Variants in BIRC6 observed in about 807,000 individuals in gnomAD.
BIRC6 encodes the protein baculoviral IAP repeat containing 6.
BIRC6 carries 98 observed loss-of-function variants against 503.3 expected under a neutral mutation model. That is an observed-to-expected ratio of 0.19 (90% CI 0.17 to 0.23). The LOEUF (loss-of-function observed/expected upper bound fraction) is 0.23. Ranked by LOEUF, BIRC6 falls within the 10% of genes least tolerant of loss-of-function variation. The pLI is 1.00. For missense variants in BIRC6, 5,360 were observed against 5,806.0 expected (o/e 0.92, Z 2.50); for synonymous variants, 2,240 against 2,078.7 (o/e 1.08, Z -2.11).
At chr2:32,528,949 CAAAAAAAAGA>C (rs1367914004) in intron 59 of BIRC6, 2 of 148,632 alleles carry the variant, frequency 1.3e-5, no homozygotes, top group African/African-American at 2.5e-5. Context: ...TTAGAAAATG[CAAAAAAAAGA>C]AAAAAAAAGA....
intron 6 of BIRC6, among the ~76,000 whole-genome samples, chr2:32,398,742 T>C (rs946905410): frequency 3.3e-5 from 5 of 152,158 alleles, no homozygotes; most frequent in African/African-American, 7.2e-5. Flanking sequence ...GTGTAACTTA[T>C]ATAAATAAAA....
chr2:32,474,667 A>C (rs569307519), intron 33 of BIRC6, among the ~76,000 whole-genome samples: 1 of 152,322 alleles, frequency 6.6e-6, no homozygotes, highest in Admixed American at 6.5e-5. Flanking sequence ...GGCTTAGTGA[A>C]AACTAGTTGT....
Position 32,431,357 on chromosome 2 carries a change from G to A in BIRC6, c.3248+267G>A, listed in dbSNP as rs143096699. ...ACTACAGGTGCGCATCACCACGTCC[G>A]GCTAATTTTTGTATTTTAGGTAGAG... On this transcript the variant is annotated intron_variant, in intron 12 of 73. Coordinates refer to ENST00000421745, the MANE Select transcript of BIRC6 (RefSeq NM_016252.4). Among the ~76,000 whole-genome samples the A allele has an allele frequency of 7.3e-3, 1,102 of 151,602 alleles. 7 individuals are homozygous for A. The highest frequency in any genetic ancestry group is 0.014 in the Middle Eastern group (4 of 294).
chr2:32,494,727 C>T (rs186485683), intron 45 of BIRC6, among the ~76,000 whole-genome samples: 1 of 151,472 alleles, frequency 6.6e-6, no homozygotes, highest in Admixed American at 6.6e-5. Context: ...CATGGCGGGA[C>T]CCCTTCTCTA....
intron 9 of BIRC6, among the ~76,000 whole-genome samples, chr2:32,412,367 G>A (rs1051254249): frequency 6.6e-6 from 1 of 151,938 alleles, no homozygotes; most frequent in Non-Finnish European, 1.5e-5. Flanking sequence ...CGTGGTGGCA[G>A]GTGCCTGTAA....
chr2:32,395,694 G>A (rs1037781779), intron 6 of BIRC6, 101 bp downstream of exon 6: 39 of 975,214 alleles, frequency 4.0e-5, no homozygotes, highest in Admixed American at 2.8e-4. Context: ...TTGCCTTTTT[G>A]CCACCTATAT....
Position 32,468,114 on chromosome 2 carries a change from T to C in BIRC6, c.5780+3T>C. 1 of 1,612,722 alleles carries C rather than the reference T, an allele frequency of 6.2e-7. No homozygotes were observed. The highest frequency in any genetic ancestry group is 1.3e-5 in the African/African-American group (1 of 75,036). ...TTGCAGGAGGATATACAGTGCAGGTTAGTACAGAGTGCAAATTTTAATGTT... is the reference window on the plus strand; with the variant it reads ...TTGCAGGAGGATATACAGTGCAGGTCAGTACAGAGTGCAAATTTTAATGTT... On this transcript the variant is annotated splice_donor_region_variant and intron_variant, in intron 28 of 73. Transcript: ENST00000421745.
intron 53 of BIRC6, 125 bp from the exon 54 acceptor site, chr2:32,512,808 A>T: frequency 1.4e-6 from 1 of 706,448 alleles, no homozygotes; most frequent in Non-Finnish European, 2.4e-6. Context: ...GATTAAAATA[A>T]TCAAAAACAA....
At chr2:32,396,663 G>A (rs1227788656) in intron 6 of BIRC6, among the ~76,000 whole-genome samples, 2 of 152,092 alleles carry the variant, frequency 1.3e-5, no homozygotes, top group Non-Finnish European at 2.9e-5. Flanking sequence ...CATAACCTAT[G>A]ATAAAGTATA....
chr2:32,562,863 C>CT (rs921325098), intron 65 of BIRC6, among the ~76,000 whole-genome samples: 2 of 152,032 alleles, frequency 1.3e-5, no homozygotes, highest in Non-Finnish European at 2.9e-5. Context: ...TGATTGCTTC[C>CT]TTTTTTTGGC....
intron 65 of BIRC6, among the ~76,000 whole-genome samples, chr2:32,562,443 A>T (rs2059259771): frequency 6.6e-6 from 1 of 152,198 alleles, no homozygotes; most frequent in Admixed American, 6.5e-5. Context: ...TAATAGTGGT[A>T]TGTTATTTTT....
At chr2:32,519,112 C>CA in intron 57 of BIRC6, 166 bp downstream of exon 57, 2 of 674,028 alleles carry the variant, frequency 3.0e-6, no homozygotes, top group South Asian at 2.4e-5. Flanking sequence ...GTCAAGTGGA[C>CA]AAAATGTAAA....
intron 23 of BIRC6, 90 bp downstream of exon 23, chr2:32,454,032 G>A (rs1288203401): frequency 8.9e-7 from 1 of 1,118,146 alleles, no homozygotes. Context: ...TTCTAATTAT[G>A]TAATTTTCAT....
At position 32,531,456 on chromosome 2, in the gene BIRC6, C is replaced by G. The variant is rs770653360; in HGVS notation, c.12196C>G (p.Pro4066Ala). 2 of 1,613,846 alleles carry G rather than the reference C, an allele frequency of 1.2e-6. No individual in the cohort carries two copies. Among genetic ancestry groups the G allele is most frequent in the Non-Finnish European group, 1.7e-6 (2 of 1,179,846 alleles). ...ILDESLLETC[P>A]IQSPLQVFAG... The stretch of plus-strand genomic sequence containing the variant: ...GGATGAATCTTTGCTTGAAACCTGT[C>G]CAATTCAGTCACCATTACAAGTTTT... The change falls in exon 61 of 74, where the codon CCA becomes GCA. Residue 4066 changes from proline to alanine, a missense_variant. By Grantham distance (27) the Pro-to-Ala change is conservative (BLOSUM62 -1). Transcript: ENST00000421745.
At chr2:32,491,696 T>C in intron 44 of BIRC6, 138 bp downstream of exon 44, 1 of 944,814 alleles carries the variant, frequency 1.1e-6, no homozygotes, top group Non-Finnish European at 1.5e-6. Context: ...AAGGTTTTGT[T>C]ATTTGTAATA....
At chr2:32,462,395 T>C (rs574038404) in intron 23 of BIRC6, among the ~76,000 whole-genome samples, 1 of 152,280 alleles carries the variant, frequency 6.6e-6, no homozygotes, top group East Asian at 1.9e-4. Flanking sequence ...AACAATGAAA[T>C]GGAAAATCAA....
intron 23 of BIRC6, 128 bp downstream of exon 23, chr2:32,454,070 G>A: frequency 1.3e-6 from 1 of 793,710 alleles, no homozygotes; most frequent in South Asian, 2.6e-5. Context: ...TTATTTGTGG[G>A]AGGGGCATTT....
At chr2:32,613,853 T>G (rs2063056445) in intron 73 of BIRC6, among the ~76,000 whole-genome samples, 1 of 152,218 alleles carries the variant, frequency 6.6e-6, no homozygotes, top group African/African-American at 2.4e-5. Flanking sequence ...GAGCAATTGT[T>G]TACCTGAAGG....
At chr2:32,474,996 C>G (rs1201536541) in intron 33 of BIRC6, among the ~76,000 whole-genome samples, 1 of 151,336 alleles carries the variant, frequency 6.6e-6, no homozygotes, top group Non-Finnish European at 1.5e-5. Flanking sequence ...GATCAGTTGG[C>G]ACCAGGAGTT....
Sources: gnomAD v4.1 joint callset for allele counts (sites outside exome capture counted in the v4.1 genomes callset) on GRCh38, gnomAD v4.1.1 for gene constraint, MANE v1.5 for transcripts, NCBI Gene and HGNC (gene_info 2026-07-23, HGNC 2026-07-21) for gene names.